SNED1: variants seen among roughly 807,000 people sequenced by gnomAD.
SNED1 encodes sushi, nidogen and EGF like domains 1, also known as sushi, nidogen and EGF-like domain-containing protein 1.
SNED1 carries 81 observed loss-of-function variants against 166.7 expected under a neutral mutation model. The observed-to-expected ratio is 0.49, with a 90% confidence interval of 0.41 to 0.58. The LOEUF is 0.58. Ranked by LOEUF, SNED1 falls within the 20% of genes least tolerant of loss-of-function variation. The pLI is 0.00. For missense variants in SNED1, 1,604 were observed against 2,000.2 expected (o/e 0.80, Z 3.78); for synonymous variants, 762 against 822.0 (o/e 0.93, Z 1.25).
At chr2:241,040,021 C>T (rs2061480565) in intron 6 of SNED1, 54 bp from the exon 7 acceptor site, 2 of 1,393,884 alleles carry the variant, frequency 1.4e-6, no homozygotes, top group Non-Finnish European at 2.0e-6. Flanking sequence ...TTTCTGTCCC[C>T]TCAGGTAACC....
intron 21 of SNED1, 115 bp downstream of exon 21, chr2:241,065,710 AG>A: frequency 1.1e-6 from 1 of 891,766 alleles, no homozygotes; most frequent in Non-Finnish European, 1.7e-6. Context: ...TTCTTGCAGC[AG>A]CAAGACAGAC....
intron 27 of SNED1, among the ~76,000 whole-genome samples, chr2:241,077,475 G>A (rs949673551): frequency 3.3e-5 from 5 of 152,174 alleles, no homozygotes; most frequent in African/African-American, 1.2e-4. Flanking sequence ...TCAAGGAAGT[G>A]ACATGACAAC....
intron 16 of SNED1, among the ~76,000 whole-genome samples, chr2:241,058,875 G>A (rs552051575): frequency 6.6e-6 from 1 of 152,178 alleles, no homozygotes; most frequent in South Asian, 2.1e-4. Context: ...GTGTGAACCT[G>A]GGAGGCGGAG....
At position 241,051,616 on chromosome 2, in the gene SNED1, A is replaced by C; in HGVS notation, c.1736-128A>C. 1 of 727,726 alleles carries C rather than the reference A, an allele frequency of 1.4e-6. No individual in the cohort carries two copies. The highest frequency in any genetic ancestry group is 2.4e-5 in the South Asian group (1 of 42,482). The allele number at this position is 727,726 out of a possible 1,614,324, so 45.1% of individuals were successfully genotyped here. A position where few individuals can be genotyped will look rare whatever the true frequency, so the allele number is the denominator to read the frequency against. ...GACCTGCTTGGCCCCTGCTGCAGCCAGGCCCCAGGGCTTCGTCGAGAAGGC... is the reference window on the plus strand; with the variant it reads ...GACCTGCTTGGCCCCTGCTGCAGCCCGGCCCCAGGGCTTCGTCGAGAAGGC... On this transcript the variant is annotated intron_variant, in intron 12 of 31. Coordinates refer to ENST00000310397, the MANE Select transcript of SNED1 (RefSeq NM_001080437.3). The surrounding 1 kb of genome is among the most constrained non-coding windows in gnomAD (Gnocchi z 4.7).
chr2:241,078,239 TG>T (rs1021957436), intron 27 of SNED1, among the ~76,000 whole-genome samples: 1 of 151,366 alleles, frequency 6.6e-6, no homozygotes, highest in Non-Finnish European at 1.5e-5. Context: ...AAAAATTAGC[TG>T]GGCGTGGTGG....
rs2061934181 is a variant in SNED1 at position 241,053,145 on chromosome 2, C to T, written c.2084-8C>T. On this transcript the variant is annotated splice_region_variant and splice_polypyrimidine_tract_variant and intron_variant, in intron 15 of 31. Transcript: ENST00000310397. ...GGACCGTGCGAGACAGGCTGCCGTGCCTTGCAGAGGTGGACTGCGGCCCCC... is the reference window on the plus strand; with the variant it reads ...GGACCGTGCGAGACAGGCTGCCGTGTCTTGCAGAGGTGGACTGCGGCCCCC... The T allele has an allele frequency of 6.2e-7, 1 of 1,607,256 alleles. No individual in the cohort carries two copies. The highest frequency in any genetic ancestry group is 1.1e-5 in the South Asian group (1 of 90,538).
chr2:241,033,412 A>T, intron 2 of SNED1: 1 of 253,866 alleles, frequency 3.9e-6, no homozygotes, highest in Middle Eastern at 1.2e-3. Flanking sequence ...CTCATTTCAC[A>T]CAGGAGATTT....
chr2:241,078,906 G>A (rs1397291432), intron 27 of SNED1, among the ~76,000 whole-genome samples: 1 of 151,722 alleles, frequency 6.6e-6, no homozygotes, highest in Admixed American at 6.6e-5. Context: ...TTGAGGTCAG[G>A]AGTTCGAGAC....
At chr2:241,008,878 T>C (rs1284251454) in intron 1 of SNED1, among the ~76,000 whole-genome samples, 1 of 152,230 alleles carries the variant, frequency 6.6e-6, no homozygotes, top group Non-Finnish European at 1.5e-5. Context: ...AGGATCACAC[T>C]GTCCTCTGAG....
chr2:241,030,672 C>A, intron 2 of SNED1, 101 bp downstream of exon 2: 1 of 1,246,164 alleles, frequency 8.0e-7, no homozygotes, highest in Non-Finnish European at 1.1e-6. Context: ...GTGGTGCAGT[C>A]ACTGGTCCAT....
In SNED1 at chr2:241,069,145, T is replaced by C. The variant is rs893559969; in HGVS notation, c.3307+122T>C. ...AACACCAGAAACCCAGCCCCTGGCC[T>C]CCCAGATGTCTCTTCCGCTGGGGCC... On this transcript the variant is annotated intron_variant, in intron 23 of 31. Transcript: ENST00000310397. The surrounding 1 kb of genome is among the most constrained non-coding windows in gnomAD (Gnocchi z 4.9). 1.5e-6 allele frequency: 1 copy of C among 651,154 alleles called. No individual in the cohort carries two copies. The highest frequency in any genetic ancestry group is 2.6e-6 in the Non-Finnish European group (1 of 387,060). 40.3% of individuals were successfully genotyped at this position (651,154 alleles called of 1,614,324 possible).
At chr2:241,014,444 C>T (rs113463321) in intron 1 of SNED1, among the ~76,000 whole-genome samples, 3 of 152,262 alleles carry the variant, frequency 2.0e-5, no homozygotes, top group East Asian at 3.9e-4. Flanking sequence ...GGCCACACCC[C>T]GGCCGACGCT....
chr2:241,030,135 G>A (rs551119072), intron 1 of SNED1, 149 bp from the exon 2 acceptor site: 36 of 691,378 alleles, frequency 5.2e-5, no homozygotes, highest in East Asian at 4.6e-4. Flanking sequence ...TCTCAGGGAC[G>A]GGGGGCTGTC....
intron 6 of SNED1, among the ~76,000 whole-genome samples, chr2:241,038,191 C>T (rs550002589): frequency 5.9e-5 from 9 of 152,144 alleles, no homozygotes; most frequent in African/African-American, 1.9e-4. Context: ...GCCAGGTGTG[C>T]GTGTCCTGTG....
Position 241,049,213 on chromosome 2 carries a change from A to G in SNED1, c.1618+78A>G, listed in dbSNP as rs2061754226. Reference sequence around the variant, plus strand: ...GGAGAAAGCGGTGGATGAGGCAGGCAGAGGCCAGAGTCCCTACTTCCCTTC... The same window carrying G: ...GGAGAAAGCGGTGGATGAGGCAGGCGGAGGCCAGAGTCCCTACTTCCCTTC... On this transcript the variant is annotated intron_variant, in intron 11 of 31. Transcript: ENST00000310397. 4 of 1,092,078 alleles carry G rather than the reference A, an allele frequency of 3.7e-6. No homozygotes were observed. In the Middle Eastern group the frequency reaches 7.1e-4, roughly 195 times the overall value. The allele number at this position is 1,092,078 out of a possible 1,614,324, so 67.6% of individuals were successfully genotyped here.
intron 8 of SNED1, among the ~76,000 whole-genome samples, chr2:241,043,398 G>C (rs982406992): frequency 6.6e-6 from 1 of 152,150 alleles, no homozygotes; most frequent in African/African-American, 2.4e-5. Flanking sequence ...CTAGTGTACT[G>C]TATTACCAGC....
rs1486605640 is a variant in SNED1 at position 241,073,942 on chromosome 2, G to C, written c.3916+578G>C. On this transcript the variant is annotated intron_variant, in intron 27 of 31. Coordinates refer to ENST00000310397, the MANE Select transcript of SNED1 (RefSeq NM_001080437.3). The surrounding 1 kb of genome is among the most constrained non-coding windows in gnomAD (Gnocchi z 6.6). ...GCAGTAAGAGTTCCCAGACGCTCAC[G>C]AGGCAGTTCCCCTTCGGGCAGCACC... 1 of 157,514 alleles carries C rather than the reference G, an allele frequency of 6.3e-6. No individual in the cohort carries two copies. Among genetic ancestry groups the C allele is most frequent in the East Asian group, 1.9e-4 (1 of 5,392 alleles). The allele number at this position is 157,514 out of a possible 1,614,324, so 9.8% of individuals were successfully genotyped here. A position where few individuals can be genotyped will look rare whatever the true frequency, so the allele number is the denominator to read the frequency against.
intron 24 of SNED1, among the ~76,000 whole-genome samples, chr2:241,071,063 G>A (rs139571310): frequency 1.6e-3 from 246 of 152,312 alleles, no homozygotes; most frequent in African/African-American, 5.5e-3. Flanking sequence ...GTGAGCCGGC[G>A]TCAGAGTGAG....
chr2:241,040,470 C>A, intron 8 of SNED1, 57 bp downstream of exon 8: 1 of 1,116,134 alleles, frequency 9.0e-7, no homozygotes, highest in Non-Finnish European at 1.3e-6. Flanking sequence ...GTGCCGTGAA[C>A]ACCCCCATAG....
Sources: allele counts gnomAD v4.1 joint callset (sites outside exome capture counted in the v4.1 genomes callset), GRCh38; gene constraint gnomAD v4.1.1; non-coding constraint Gnocchi (gnomAD v3.1); transcripts MANE v1.5; gene names NCBI Gene and HGNC (gene_info 2026-07-23, HGNC 2026-07-21).